RIPOR2: variants seen among roughly 807,000 people sequenced by gnomAD.
RIPOR2 encodes rho family-interacting cell polarization regulator 2.
In RIPOR2, 39 loss-of-function variants were observed where a neutral mutation model predicts 114.5. The ratio of observed to expected loss-of-function variants is 0.34; its 90% CI spans 0.26 to 0.44. RIPOR2 has a LOEUF of 0.44. Among genes scored for constraint, RIPOR2 ranks in the 20% least tolerant of loss-of-function variants. RIPOR2 has a pLI of 1.00. For missense variants in RIPOR2, 1,007 were observed against 1,255.1 expected (o/e 0.80, Z 2.99); for synonymous variants, 445 against 484.4 (o/e 0.92, Z 1.07).
chr6:24,863,547 C>T (rs987969378), intron 7 of RIPOR2, among the ~76,000 whole-genome samples: 12 of 152,326 alleles, frequency 7.9e-5, no homozygotes, highest in Admixed American at 2.0e-4. Context: ...AATGGGGTCT[C>T]GTGAACTAGG....
At chr6:24,888,780 A>G (rs1020169268) in intron 1 of RIPOR2, among the ~76,000 whole-genome samples, 3 of 152,246 alleles carry the variant, frequency 2.0e-5, no homozygotes, top group African/African-American at 7.2e-5. Context: ...GATTTTTCAT[A>G]TGGCCAATTA....
At chr6:24,832,190 AG>A in intron 16 of RIPOR2, 65 bp downstream of exon 16, 1 of 1,441,676 alleles carries the variant, frequency 6.9e-7, no homozygotes. Context: ...GAACATGCAT[AG>A]GGAGTGGACT....
At chr6:24,943,349 G>C (rs1772238911) in intron 1 of RIPOR2, among the ~76,000 whole-genome samples, 1 of 152,130 alleles carries the variant, frequency 6.6e-6, no homozygotes, top group Admixed American at 6.6e-5. Flanking sequence ...TGTGGGGTAG[G>C]GGGAGCAGGG....
rs956257776 is a variant in RIPOR2, at chr6:24,883,466, G to A, written c.62-7649C>T. 7.2e-5 allele frequency among the ~76,000 whole-genome samples: 11 copies of A among 152,204 alleles called. No individual in the cohort carries two copies. The highest frequency in any genetic ancestry group is 2.1e-4 in the South Asian group (1 of 4,834). The stretch of plus-strand genomic sequence containing the variant: ...CAAGTGTTTGCCTGAGGCCAGGGAC[G>A]GGAGCAGGCAAGGAAGCAGAGAGAG... On this transcript the variant is annotated intron_variant, in intron 1 of 21. Coordinates refer to ENST00000643898, the MANE Select transcript of RIPOR2 (RefSeq NM_001286445.3). The surrounding 1 kb of genome is among the most constrained non-coding windows in gnomAD (Gnocchi z 4.1).
chr6:25,025,431 G>C (rs956127731), intron 1 of RIPOR2, among the ~76,000 whole-genome samples: 1 of 152,026 alleles, frequency 6.6e-6, no homozygotes, highest in East Asian at 1.9e-4. Context: ...TGCTGGGTGC[G>C]TGACGAGGCT....
At position 24,804,439 on chromosome 6, in the gene RIPOR2, T is replaced by TA. The variant is rs1227554371; in HGVS notation, c.*1933dup. The TA allele has an allele frequency of 2.5e-5, 2 of 80,548 alleles. No homozygotes were observed. Among genetic ancestry groups the TA allele is most frequent in the Non-Finnish European group, 3.9e-5 (1 of 25,568 alleles). The allele number at this position is 80,548 out of a possible 1,614,324, so 5.0% of individuals were successfully genotyped here. A position where few individuals can be genotyped will look rare whatever the true frequency, so the allele number is the denominator to read the frequency against. ...TTAATTACTCATGCAATAGTCAAAA[T>TA]AAAAAATAAAAAAATGACAAACCAA... On this transcript the variant is annotated 3_prime_UTR_variant, in exon 22 of 22. Coordinates refer to ENST00000643898, the MANE Select transcript of RIPOR2 (RefSeq NM_001286445.3).
intron 1 of RIPOR2, chr6:24,910,549 T>A (rs1197163470): frequency 6.6e-6 from 1 of 152,314 alleles, no homozygotes; most frequent in Non-Finnish European, 1.5e-5. Flanking sequence ...CCCTCTAACC[T>A]TGGCCCGTTC....
chr6:24,820,618 A>C (rs958311730), intron 19 of RIPOR2, among the ~76,000 whole-genome samples: 2 of 152,174 alleles, frequency 1.3e-5, no homozygotes, highest in Non-Finnish European at 2.9e-5. Flanking sequence ...GAATTCACAC[A>C]ATATGTAGCC....
At chr6:24,945,586 G>C (rs191400294) in intron 1 of RIPOR2, among the ~76,000 whole-genome samples, 1 of 152,238 alleles carries the variant, frequency 6.6e-6, no homozygotes, top group Admixed American at 6.5e-5. Flanking sequence ...GGTGTAATTT[G>C]TATGACAATA....
chr6:24,884,003 G>A (rs552363202), intron 1 of RIPOR2, among the ~76,000 whole-genome samples: 1 of 152,268 alleles, frequency 6.6e-6, no homozygotes, highest in East Asian at 1.9e-4. Context: ...AAAGATACAC[G>A]TCTGCTTATT....
chr6:25,020,714 T>C (rs1158174800), intron 1 of RIPOR2, among the ~76,000 whole-genome samples: 2 of 152,240 alleles, frequency 1.3e-5, no homozygotes, highest in Non-Finnish European at 2.9e-5. Context: ...AGGTATTCAA[T>C]GTCCAAAATT....
intron 1 of RIPOR2, chr6:25,024,476 G>T: frequency 1.2e-6 from 1 of 854,782 alleles, no homozygotes; most frequent in South Asian, 1.3e-5. Context: ...TGGAGCCTTT[G>T]CTGGACATAG....
At chr6:24,983,756 C>CAAAAA (rs34480037) in intron 1 of RIPOR2, among the ~76,000 whole-genome samples, 1,672 of 47,192 alleles carry the variant, frequency 0.035, 299 homozygotes, top group African/African-American at 0.099. Flanking sequence ...GACTGTGTCT[C>CAAAAA]AAAAAAAAAA....
intron 1 of RIPOR2, among the ~76,000 whole-genome samples, chr6:25,012,408 C>T (rs776292658): frequency 4.6e-4 from 70 of 152,142 alleles, no homozygotes; most frequent in Non-Finnish European, 9.1e-4. Flanking sequence ...CATATATACA[C>T]ATAATGACCT....
chr6:25,031,748 T>A (rs1190338927), intron 1 of RIPOR2, among the ~76,000 whole-genome samples: 2 of 64,042 alleles, frequency 3.1e-5, no homozygotes, highest in Non-Finnish European at 3.4e-5. Flanking sequence ...TATATATATA[T>A]ATAAAATATC....
In RIPOR2 at chr6:24,831,499, AG is replaced by A. The variant is rs1760688380; in HGVS notation, c.2344+756del. 3.3e-5 allele frequency among the ~76,000 whole-genome samples: 5 copies of A among 152,168 alleles called. No homozygotes were observed. The South Asian group carries it at 8.3e-4, about 25-fold the overall frequency. On this transcript the variant is annotated intron_variant, in intron 16 of 21. Coordinates refer to ENST00000643898, the MANE Select transcript of RIPOR2 (RefSeq NM_001286445.3). ...ACTTGAATGTGTCATGATCATGAGG[AG>A]GGGGCTGGGAGAGGAGAGGACACAA...
At chr6:25,017,223 G>A (rs1171119726) in intron 1 of RIPOR2, among the ~76,000 whole-genome samples, 4 of 152,182 alleles carry the variant, frequency 2.6e-5, no homozygotes, top group Admixed American at 6.5e-5. Flanking sequence ...TTGGGAGGCT[G>A]AGGCACGAAA....
At chr6:25,041,187 C>A (rs1396248701) in intron 1 of RIPOR2, among the ~76,000 whole-genome samples, 2 of 152,204 alleles carry the variant, frequency 1.3e-5, no homozygotes, top group Non-Finnish European at 2.9e-5. Flanking sequence ...AGCCCTCCAC[C>A]CATTTGAATT....
Position 24,842,928 on chromosome 6 carries a change from A to G in RIPOR2, c.1791T>C (p.His597=). 1 of 1,513,112 alleles carries G rather than the reference A, an allele frequency of 6.6e-7. No homozygotes were observed. The allele number at this position is 1,513,112 out of a possible 1,614,324, so 93.7% of individuals were successfully genotyped here. The part of the protein sequence containing the change: ...FNGLLLALEP[H]KEQYKEFQDL... ...CCTGAAACTCTTTATACTGCTCTTT[A>G]TGTGGTTCTAATGCAAGTAAAAGCC... The change falls in exon 13 of 22, where the codon CAT becomes CAC. Residue 597 remains histidine (H), a synonymous_variant. Transcript: ENST00000643898.
Sources: allele counts gnomAD v4.1 joint callset (sites outside exome capture counted in the v4.1 genomes callset), GRCh38; gene constraint gnomAD v4.1.1; non-coding constraint Gnocchi (gnomAD v3.1); transcripts MANE v1.5; gene names NCBI Gene and HGNC (gene_info 2026-07-23, HGNC 2026-07-21).